DNAH6: variants seen among roughly 807,000 people sequenced by gnomAD.
The protein encoded by DNAH6 is axonemal beta dynein heavy chain 6.
A neutral mutation model predicts 491.4 loss-of-function variants in DNAH6; 340 were observed. That is an observed-to-expected ratio of 0.69 (90% CI 0.63 to 0.76). The LOEUF is 0.76. DNAH6 is among the 30% of genes least tolerant of loss of function. The pLI is 0.00. For synonymous variants in DNAH6, 1,603 were observed against 1,686.1 expected (o/e 0.95, Z 1.21); for missense variants, 4,443 against 4,972.2 (o/e 0.89, Z 3.20).
chr2:84,720,649 A>G (rs948469040), intron 59 of DNAH6, among the ~76,000 whole-genome samples: 1 of 152,112 alleles, frequency 6.6e-6, no homozygotes, highest in African/African-American at 2.4e-5. Context: ...GTTCGTGGCT[A>G]TCCACTTTTG....
chr2:84,577,508 T>G (rs1682579320), intron 13 of DNAH6, 100 bp downstream of exon 13: 1 of 851,804 alleles, frequency 1.2e-6, no homozygotes, highest in Admixed American at 3.5e-5. Flanking sequence ...GTATTGCAAA[T>G]ATAAAAATTA....
At chr2:84,463,055 G>T in the DNAH6 span, among the ~76,000 whole-genome samples, 1 of 152,170 alleles carries the variant, frequency 6.6e-6, no homozygotes. Flanking sequence ...CTCACGTCAG[G>T]ATACTGTGCA....
At chr2:84,742,702 T>TA (rs1672641887) in intron 62 of DNAH6, among the ~76,000 whole-genome samples, 1 of 152,164 alleles carries the variant, frequency 6.6e-6, no homozygotes, top group African/African-American at 2.4e-5. Flanking sequence ...CCTTTCTTTA[T>TA]ATCCTTTATT....
chr2:84,810,443 G>A (rs532573803), intron 72 of DNAH6, among the ~76,000 whole-genome samples: 1 of 152,308 alleles, frequency 6.6e-6, no homozygotes, highest in African/African-American at 2.4e-5. Context: ...AGCATAAGGG[G>A]AGGAGCCCAG....
chr2:84,554,920 T>G (rs1185913499), intron 10 of DNAH6, among the ~76,000 whole-genome samples: 1 of 152,234 alleles, frequency 6.6e-6, no homozygotes, highest in African/African-American at 2.4e-5. Context: ...CCTTCTCATT[T>G]CCTATTATAG....
chr2:84,704,012 G>T, intron 50 of DNAH6, 55 bp from the exon 51 acceptor site: 1 of 1,362,628 alleles, frequency 7.3e-7, no homozygotes, highest in Non-Finnish European at 1.0e-6. Context: ...GCTTTGTTTT[G>T]AATATTAAAA....
At chr2:84,691,669 C>T (rs966132768) in intron 45 of DNAH6, among the ~76,000 whole-genome samples, 2 of 122,896 alleles carry the variant, frequency 1.6e-5, no homozygotes, top group African/African-American at 8.6e-5. Flanking sequence ...TAAGCAGCCA[C>T]AGACAGTAAG....
intron 39 of DNAH6, among the ~76,000 whole-genome samples, chr2:84,671,614 C>A (rs1339230249): frequency 6.6e-6 from 1 of 152,172 alleles, no homozygotes; most frequent in Non-Finnish European, 1.5e-5. Context: ...CAAATTCTTA[C>A]AAAGGTTTAT....
chr2:84,495,308 A>G, the DNAH6 span, among the ~76,000 whole-genome samples: 1 of 152,140 alleles, frequency 6.6e-6, no homozygotes, highest in Non-Finnish European at 1.5e-5. Context: ...GATTACTGGC[A>G]TGCACCACCA....
rs554125722 is a variant in DNAH6, at chr2:84,693,578, C to T, written c.7293-671C>T. ...CTAAGACGGTGAAACCCCGTCTCTA[C>T]TAAAAATACAAAAAATTAGCCGGGC... On this transcript the variant is annotated intron_variant, in intron 45 of 76. Transcript: ENST00000389394. Among the ~76,000 whole-genome samples the T allele has an allele frequency of 1.5e-3, 221 of 152,072 alleles. 1 individual carries two copies. The highest frequency in any genetic ancestry group is 5.1e-3 in the African/African-American group (211 of 41,470).
chr2:84,720,472 G>A (rs1453745635), intron 59 of DNAH6, among the ~76,000 whole-genome samples: 1 of 150,902 alleles, frequency 6.6e-6, no homozygotes, highest in African/African-American at 2.4e-5. Context: ...TAGAGACGGG[G>A]TTTCACCGTT....
In DNAH6 at chr2:84,722,757, T is replaced by G. The variant is rs1328561225; in HGVS notation, c.9925T>G (p.Ser3309Ala). 1 of 1,536,820 alleles carries G rather than the reference T, an allele frequency of 6.5e-7. No homozygotes were observed. The highest frequency in any genetic ancestry group is 8.8e-7 in the Non-Finnish European group (1 of 1,142,736). The stretch of plus-strand genomic sequence containing the variant: ...AATGTACTTTGTCATTGCAAGCCTC[T>G]CAGAAATAGATCCTATGTACCAGTA... ...SVMYFVIASLSEIDPMYQYSL... is the reference protein window; with the variant it reads ...SVMYFVIASLAEIDPMYQYSL... The change falls in exon 60 of 77, where the codon TCA becomes GCA. Residue 3309 changes from serine (S) to alanine (A), a missense_variant. Coordinates refer to ENST00000389394, the MANE Select transcript of DNAH6 (RefSeq NM_001370.2).
At chr2:84,479,060 C>G in the DNAH6 span, among the ~76,000 whole-genome samples, 57 of 152,306 alleles carry the variant, frequency 3.7e-4, no homozygotes, top group South Asian at 7.9e-3. Flanking sequence ...GGACTCCTCT[C>G]TGATGCTACG....
chr2:84,663,549 AAAG>A (rs1156355502), intron 37 of DNAH6, among the ~76,000 whole-genome samples: 1 of 152,206 alleles, frequency 6.6e-6, no homozygotes, highest in Non-Finnish European at 1.5e-5. Context: ...TTTAGAGAAA[AAAG>A]AGTAAAAAGA....
In DNAH6 at chr2:84,625,079, C is replaced by T. The variant is rs978529166; in HGVS notation, c.4515+16C>T. ...GGACTACAAGGTACAGTTCTTGCAT[C>T]TGAATATTAACATTAAGTGTTTTAT... On this transcript the variant is annotated intron_variant, in intron 29 of 76. Coordinates refer to ENST00000389394, the MANE Select transcript of DNAH6 (RefSeq NM_001370.2). The T allele has an allele frequency of 2.7e-6, 4 of 1,496,356 alleles. No individual in the cohort carries two copies. The highest frequency in any genetic ancestry group is 3.6e-6 in the Non-Finnish European group (4 of 1,120,966). The allele number at this position is 1,496,356 out of a possible 1,614,324, so 92.7% of individuals were successfully genotyped here.
At chr2:84,690,753 T>C (rs1384382972) in intron 45 of DNAH6, among the ~76,000 whole-genome samples, 1 of 152,236 alleles carries the variant, frequency 6.6e-6, no homozygotes, top group Non-Finnish European at 1.5e-5. Flanking sequence ...AGAGAAAACA[T>C]ATTTCTGCTT....
chr2:84,656,116 T>A (rs1310053631), intron 35 of DNAH6, among the ~76,000 whole-genome samples: 1 of 152,160 alleles, frequency 6.6e-6, no homozygotes, highest in African/African-American at 2.4e-5. Context: ...TACTTCCATG[T>A]CTTTCTGTGG....
intron 11 of DNAH6, among the ~76,000 whole-genome samples, chr2:84,569,762 GA>G (rs1681589155): frequency 6.6e-6 from 1 of 152,116 alleles, no homozygotes; most frequent in African/African-American, 2.4e-5. Context: ...ATTTAGAGTT[GA>G]GCAAAATAAA....
Position 84,604,201 on chromosome 2 carries a change from C to T in DNAH6, c.2869-138C>T, listed in dbSNP as rs1573187394. 5 of 664,608 alleles carry T rather than the reference C, an allele frequency of 7.5e-6. No homozygotes were observed. In the Admixed American group the frequency reaches 1.4e-4, roughly 19 times the overall value. The allele number at this position is 664,608 out of a possible 1,614,324, so 41.2% of individuals were successfully genotyped here. A position where few individuals can be genotyped will look rare whatever the true frequency, so the allele number is the denominator to read the frequency against. ...TCAATTAGAGTCATTAATTTGCAGT[C>T]ATCCAGATTTTGCTCTGTGGAAAGA... On this transcript the variant is annotated intron_variant, in intron 18 of 76. Coordinates refer to ENST00000389394, the MANE Select transcript of DNAH6 (RefSeq NM_001370.2).
Sources: gnomAD v4.1 joint callset for allele counts (sites outside exome capture counted in the v4.1 genomes callset) on GRCh38, gnomAD v4.1.1 for gene constraint, MANE v1.5 for transcripts, NCBI Gene and HGNC (gene_info 2026-07-23, HGNC 2026-07-21) for gene names.